FERMT2: variants seen among roughly 807,000 people sequenced by gnomAD.
FERMT2 encodes fermitin family homolog 2.
Under a neutral mutation model 82.7 loss-of-function variants are expected in FERMT2, and 15 were observed. That is an observed-to-expected ratio of 0.18 (90% CI 0.12 to 0.28). The LOEUF (loss-of-function observed/expected upper bound fraction) is 0.28. Ranked by LOEUF, FERMT2 falls within the 10% of genes least tolerant of loss-of-function variation. The pLI is 1.00. For synonymous variants in FERMT2, 274 were observed against 271.5 expected (o/e 1.01, Z -0.09); for missense variants, 645 against 809.4 (o/e 0.80, Z 2.46).
At chr14:52,913,313 T>C (rs910985777) in intron 3 of FERMT2, among the ~76,000 whole-genome samples, 2 of 152,212 alleles carry the variant, frequency 1.3e-5, no homozygotes, top group African/African-American at 4.8e-5. Flanking sequence ...TCTAACACTA[T>C]GAGATCCCTC....
At chr14:52,950,606 A>G (rs905397660) in intron 1 of FERMT2, 29 bp from the exon 2 acceptor site, 1 of 1,606,906 alleles carries the variant, frequency 6.2e-7, no homozygotes, top group African/African-American at 1.3e-5. Flanking sequence ...TGGCTCTCGT[A>G]AGCGTCACTC....
At chr14:52,932,386 T>C (rs913882702) in intron 2 of FERMT2, among the ~76,000 whole-genome samples, 4 of 152,192 alleles carry the variant, frequency 2.6e-5, no homozygotes, top group African/African-American at 4.8e-5. Context: ...AGAAAGAAGA[T>C]AGAACATCCA....
At chr14:52,931,760 G>C (rs1202122074) in intron 2 of FERMT2, among the ~76,000 whole-genome samples, 1 of 152,184 alleles carries the variant, frequency 6.6e-6, no homozygotes, top group African/African-American at 2.4e-5. Context: ...CGGGCGCGGT[G>C]GCTCACGCCT....
chr14:52,879,038 G>C (rs957531408), intron 6 of FERMT2, among the ~76,000 whole-genome samples: 1 of 152,118 alleles, frequency 6.6e-6, no homozygotes, highest in Admixed American at 6.5e-5. Flanking sequence ...TGACATTAAA[G>C]TAAGGCGGAA....
chr14:52,900,534 G>A lies in FERMT2; in HGVS notation c.392-7107C>T, dbSNP rs148785210. Among the ~76,000 whole-genome samples the A allele has an allele frequency of 5.3e-3, 801 of 152,134 alleles. 8 individuals are homozygous for A. The highest frequency in any genetic ancestry group is 0.018 in the African/African-American group (744 of 41,494). On this transcript the variant is annotated intron_variant, in intron 3 of 14. Transcript: ENST00000341590. ...AAATAAAGAAAACATAAACCTATAA[G>A]GGCCCCCAAAATGGAAGAAAATATG...
intron 2 of FERMT2, among the ~76,000 whole-genome samples, chr14:52,946,563 G>A (rs1249545408): frequency 6.6e-6 from 1 of 152,162 alleles, no homozygotes. Flanking sequence ...TAAGGCAAGA[G>A]GATTACTTGA....
intron 3 of FERMT2, among the ~76,000 whole-genome samples, chr14:52,917,348 G>C (rs1334181048): frequency 6.6e-6 from 1 of 151,946 alleles, no homozygotes; most frequent in Non-Finnish European, 1.5e-5. Flanking sequence ...ACTTATGATA[G>C]TAGTTGCTTT....
rs558535428 is a variant in FERMT2, at chr14:52,887,783, GAAAATTACTTAACTAAAGTTAACT to G, written c.526+5486_526+5509del. ...TGGGAAAATTACTTAACTAAGTAACGAAAATTACTTAACTAAAGTTAACTAAAATTACTTAACTTTAGTTAAAAA... is the reference window on the plus strand; with the variant it reads ...TGGGAAAATTACTTAACTAAGTAACGAAAATTACTTAACTTTAGTTAAAAA... On this transcript the variant is annotated intron_variant, in intron 4 of 14. Transcript: ENST00000341590. 6.0e-3 allele frequency among the ~76,000 whole-genome samples: 907 copies of G among 152,058 alleles called. 7 individuals carry two copies. The highest frequency in any genetic ancestry group is 0.02 in the African/African-American group (836 of 41,456).
intron 10 of FERMT2, among the ~76,000 whole-genome samples, chr14:52,869,548 G>A (rs1181706287): frequency 1.3e-5 from 2 of 152,170 alleles, no homozygotes; most frequent in African/African-American, 4.8e-5. Context: ...TAGTGACACT[G>A]TAGCTGTATC....
rs1278461075 is a variant in FERMT2 at position 52,874,226 on chromosome 14, C to T, written c.1099G>A (p.Gly367Ser). 59 of 1,575,850 alleles carry T rather than the reference C, an allele frequency of 3.7e-5. No individual in the cohort carries two copies. The highest frequency in any genetic ancestry group is 5.0e-5 in the Non-Finnish European group (58 of 1,161,180). The change falls in exon 9 of 15, where the codon GGT becomes AGT. Residue 367 changes from glycine to serine, a missense_variant and splice_region_variant. Gly to Ser is a moderately conservative substitution (Grantham distance 56). Coordinates refer to ENST00000341590, the MANE Select transcript of FERMT2 (RefSeq NM_006832.3). ...LEGGKTSTIL[G>S]DITSIPELAD... ...AGTTCAGGAATGGAAGTAATGTCAC[C>T]CTAGGAGAGAGTTAAATCCTTTTTT...
At chr14:52,905,236 C>T (rs1323820437) in intron 3 of FERMT2, among the ~76,000 whole-genome samples, 2 of 149,146 alleles carry the variant, frequency 1.3e-5, no homozygotes, top group East Asian at 3.9e-4. Context: ...TCAACAGATA[C>T]CTAAAATTGA....
At chr14:52,870,464 G>A (rs1343483181) in intron 10 of FERMT2, among the ~76,000 whole-genome samples, 1 of 152,054 alleles carries the variant, frequency 6.6e-6, no homozygotes, top group East Asian at 1.9e-4. Context: ...GGTCAGGCTG[G>A]TCTCCAACTT....
In FERMT2 at chr14:52,872,784, C is replaced by T. The variant is rs779933178; in HGVS notation, c.1273+15G>A. 8.1e-6 allele frequency: 13 copies of T among 1,612,920 alleles called. No individual in the cohort carries two copies. In the East Asian group the frequency reaches 2.0e-4, roughly 25 times the overall value. On this transcript the variant is annotated intron_variant, in intron 10 of 14. Coordinates refer to ENST00000341590, the MANE Select transcript of FERMT2 (RefSeq NM_006832.3). ...GATGCCACCATCAACAACAGCCGTG[C>T]CAGGCTCTCCTTACCCCTGAGGTTC...
At chr14:52,920,544 G>C (rs998307950) in intron 2 of FERMT2, among the ~76,000 whole-genome samples, 1 of 152,004 alleles carries the variant, frequency 6.6e-6, no homozygotes, top group African/African-American at 2.4e-5. Flanking sequence ...TGAGGTAGGA[G>C]GATCACTTGA....
chr14:52,930,921 T>C (rs1006119715), intron 2 of FERMT2, among the ~76,000 whole-genome samples: 4 of 152,224 alleles, frequency 2.6e-5, no homozygotes, highest in African/African-American at 9.6e-5. Context: ...TATTCAATCA[T>C]ACATTGTCTT....
intron 14 of FERMT2, 63 bp from the exon 15 acceptor site, chr14:52,858,613 A>T (rs1884708247): frequency 6.1e-6 from 9 of 1,463,944 alleles, no homozygotes; most frequent in Non-Finnish European, 8.5e-6. Context: ...TCCACACAAA[A>T]CTACTGTGCT....
chr14:52,946,734 G>A (rs1249113873), intron 2 of FERMT2, among the ~76,000 whole-genome samples: 1 of 151,880 alleles, frequency 6.6e-6, no homozygotes, highest in East Asian at 1.9e-4. Context: ...GCTGGGTGGT[G>A]TGATTTTGGC....
chr14:52,859,493 A>G, intron 14 of FERMT2, 80 bp downstream of exon 14: 1 of 1,263,494 alleles, frequency 7.9e-7, no homozygotes, highest in Non-Finnish European at 1.0e-6. Context: ...AATCATCAGA[A>G]TTTATAGGCC....
chr14:52,906,958 G>C (rs545012088), intron 3 of FERMT2, among the ~76,000 whole-genome samples: 2,053 of 130,566 alleles, frequency 0.016, 130 homozygotes, highest in African/African-American at 0.054. Flanking sequence ...GGGGGGGGGG[G>C]GGAATTTAGA....
Sources: allele counts gnomAD v4.1 joint callset (sites outside exome capture counted in the v4.1 genomes callset), GRCh38; gene constraint gnomAD v4.1.1; transcripts MANE v1.5; gene names NCBI Gene and HGNC (gene_info 2026-07-23, HGNC 2026-07-21).